Variants in CSNK2A1 observed in about 807,000 individuals in gnomAD.
The protein encoded by CSNK2A1 is casein kinase II subunit alpha.
In CSNK2A1, 10 loss-of-function variants were observed where a neutral mutation model predicts 62.9. That is an observed-to-expected ratio of 0.16 (90% confidence interval 0.10 to 0.27). The LOEUF is 0.27. CSNK2A1 is among the 10% of genes least tolerant of loss of function. CSNK2A1 has a pLI of 1.00. For synonymous variants in CSNK2A1, 124 were observed against 167.8 expected, an observed-to-expected ratio of 0.74 and a Z score of 2.02; for missense variants, 160 against 492.0, an observed-to-expected ratio of 0.33 and a Z score of 6.38.
In CSNK2A1 at chr20:487,485, C is replaced by T. The variant is rs765156567; in HGVS notation, c.915G>A (p.Leu305=). The T allele has an allele frequency of 6.2e-7, 1 of 1,614,100 alleles. No homozygotes were observed. ...TAAGCCGTGACTGGTGGTCATATCG[C>T]AGCAGTTTGTCCAGGAAATCCAAGG... ...PEALDFLDKL[L]RYDHQSRLTA... Residue 305 remains leucine (L), a synonymous_variant, in exon 12 of 14, where the codon CTG becomes CTA. Coordinates refer to ENST00000217244, the MANE Select transcript of CSNK2A1 (RefSeq NM_177559.3).
At chr20:490,197 A>G (rs1427678174) in intron 9 of CSNK2A1, among the ~76,000 whole-genome samples, 2 of 150,940 alleles carry the variant, frequency 1.3e-5, no homozygotes, top group African/African-American at 4.9e-5. Flanking sequence ...ATGCCTGGCT[A>G]ATTTTGTATT....
intron 1 of CSNK2A1, among the ~76,000 whole-genome samples, chr20:533,032 C>A (rs2019245919): frequency 6.6e-6 from 1 of 152,094 alleles, no homozygotes; most frequent in East Asian, 1.9e-4. Flanking sequence ...AGGTGGTAAC[C>A]ATGGCCAACA....
At chr20:490,645 C>G (rs958159443) in intron 9 of CSNK2A1, among the ~76,000 whole-genome samples, 2 of 150,186 alleles carry the variant, frequency 1.3e-5, no homozygotes, top group Non-Finnish European at 3.0e-5. Context: ...ACCTTGTGAT[C>G]CACTTGCCTT....
intron 11 of CSNK2A1, chr20:488,160 TTCC>T (rs1385040260): frequency 6.2e-6 from 1 of 162,446 alleles, no homozygotes; most frequent in Non-Finnish European, 1.3e-5. Flanking sequence ...CTGCCTCAGC[TTCC>T]TAGTAGTCTG....
chr20:538,816 CATT>C (rs2019388146), intron 1 of CSNK2A1, among the ~76,000 whole-genome samples: 1 of 152,150 alleles, frequency 6.6e-6, no homozygotes, highest in African/African-American at 2.4e-5. Context: ...CATAGAAACC[CATT>C]ATTAAGCCAA....
At chr20:516,382 C>T (rs946439045) in intron 2 of CSNK2A1, among the ~76,000 whole-genome samples, 5 of 152,166 alleles carry the variant, frequency 3.3e-5, no homozygotes, top group Admixed American at 3.3e-4. Context: ...AAAAAAGTAT[C>T]ATGTCAATGA....
chr20:492,103 GATTT>G, intron 9 of CSNK2A1, 147 bp downstream of exon 9: 1 of 625,528 alleles, frequency 1.6e-6, no homozygotes, highest in East Asian at 2.7e-5. Flanking sequence ...GAATTAAGGT[GATTT>G]ATATTTTACA....
At chr20:497,350 G>A (rs1248140217) in intron 7 of CSNK2A1, among the ~76,000 whole-genome samples, 2 of 152,072 alleles carry the variant, frequency 1.3e-5, no homozygotes, top group African/African-American at 2.4e-5. Context: ...GTCTCACTAT[G>A]TTGCTCAGGC....
At chr20:508,379 CA>C in intron 3 of CSNK2A1, 71 bp downstream of exon 3, 1 of 1,544,072 alleles carries the variant, frequency 6.5e-7, no homozygotes, top group South Asian at 1.2e-5. Flanking sequence ...GGTTTTCTGA[CA>C]AAAACTACTC....
At chr20:541,221 C>A (rs998810208) in intron 1 of CSNK2A1, 9 of 152,168 alleles carry the variant, frequency 5.9e-5, no homozygotes, top group Non-Finnish European at 1.3e-4. Flanking sequence ...CTAGATTCGG[C>A]CCACCCAGAA....
At chr20:504,872 T>G (rs1321717764) in intron 4 of CSNK2A1, 1 of 437,216 alleles carries the variant, frequency 2.3e-6, no homozygotes, top group Non-Finnish European at 4.0e-6. Flanking sequence ...GAGAAGAGAC[T>G]GTACCTTTGC....
Position 472,859 on chromosome 20 carries a change from G to C in CSNK2A1, c.*11102C>G, listed in dbSNP as rs1256106838. 6.6e-6 allele frequency: 1 copy of C among 152,188 alleles called. No individual in the cohort carries two copies. The highest frequency in any genetic ancestry group is 1.5e-5 in the Non-Finnish European group (1 of 68,046). The allele number at this position is 152,188 out of a possible 1,614,324, so 9.4% of individuals were successfully genotyped here. A position where few individuals can be genotyped will look rare whatever the true frequency, so the allele number is the denominator to read the frequency against. On this transcript the variant is annotated 3_prime_UTR_variant, in exon 14 of 14. Transcript: ENST00000217244. ...CTCTCGGCCTTCCAAGAAGGTTTGT[G>C]TCTTTCCTATAATTTCTCCCACCAC... is the stretch of plus-strand genomic sequence containing the variant.
chr20:488,892 C>T (rs531239124), intron 10 of CSNK2A1, 114 bp from the exon 11 acceptor site: 2 of 918,164 alleles, frequency 2.2e-6, no homozygotes, highest in East Asian at 5.2e-5. Context: ...GGTATGAATG[C>T]TACCTCCTAA....
rs567120443 is a variant in CSNK2A1 at position 508,335 on chromosome 20, T to A, written c.101+116A>T. The A allele has an allele frequency of 1.6e-4, 176 of 1,103,196 alleles. 1 individual carries two copies. Among genetic ancestry groups the A allele is most frequent in the Non-Finnish European group, 1.1e-4 (91 of 812,010 alleles). The allele number at this position is 1,103,196 out of a possible 1,614,324, so 68.3% of individuals were successfully genotyped here. A position where few individuals can be genotyped will look rare whatever the true frequency, so the allele number is the denominator to read the frequency against. The stretch of plus-strand genomic sequence containing the variant: ...CTCAAAAGAAAACACAAATTGGGCT[T>A]TGATCCTGAGGTATACACATACAGA... On this transcript the variant is annotated intron_variant, in intron 3 of 13. Transcript: ENST00000217244.
chr20:481,729 G>T lies in CSNK2A1; in HGVS notation c.*2232C>A, dbSNP rs1038511481. 1 of 152,018 alleles carries T rather than the reference G, an allele frequency of 6.6e-6. No individual in the cohort carries two copies. Among genetic ancestry groups the T allele is most frequent in the African/African-American group, 2.4e-5 (1 of 41,374 alleles). 9.4% of individuals were successfully genotyped at this position (152,018 alleles called of 1,614,324 possible). On this transcript the variant is annotated 3_prime_UTR_variant, in exon 14 of 14. Coordinates refer to ENST00000217244, the MANE Select transcript of CSNK2A1 (RefSeq NM_177559.3). ...TCAATTTCCGAGCTACAAGGATAGG[G>T]TATGAAGTCTTGATTTACAACCCTC...
At chr20:518,150 C>A (rs1168950345) in intron 2 of CSNK2A1, among the ~76,000 whole-genome samples, 1 of 152,086 alleles carries the variant, frequency 6.6e-6, no homozygotes, top group Non-Finnish European at 1.5e-5. Context: ...TTAAATAAGA[C>A]AGAGAAGTAA....
At chr20:489,978 C>A in intron 9 of CSNK2A1, 97 bp from the exon 10 acceptor site, 1 of 956,846 alleles carries the variant, frequency 1.0e-6, no homozygotes, top group Non-Finnish European at 1.5e-6. Context: ...AAAATCACTC[C>A]ACTGACTCAA....
At chr20:491,805 TC>T (rs2018241009) in intron 9 of CSNK2A1, among the ~76,000 whole-genome samples, 1 of 152,162 alleles carries the variant, frequency 6.6e-6, no homozygotes, top group Admixed American at 6.5e-5. Context: ...GTGCCTGTAG[TC>T]CCAGCTACTT....
intron 2 of CSNK2A1, among the ~76,000 whole-genome samples, chr20:514,029 A>G (rs1186114461): frequency 1.3e-5 from 2 of 152,186 alleles, no homozygotes; most frequent in Non-Finnish European, 2.9e-5. Context: ...ATAAAAGGGT[A>G]CTAAGAGATT....
Sources: allele counts gnomAD v4.1 joint callset (sites outside exome capture counted in the v4.1 genomes callset), GRCh38; gene constraint gnomAD v4.1.1; transcripts MANE v1.5; gene names NCBI Gene and HGNC (gene_info 2026-07-23, HGNC 2026-07-21).